Variants in PCDHGA6 observed in about 807,000 individuals in gnomAD.
The protein encoded by PCDHGA6 is protocadherin gamma-A6.
In PCDHGA6, 41 loss-of-function variants were observed where a neutral mutation model predicts 60.6. That is an observed-to-expected ratio of 0.68 (90% CI 0.53 to 0.88). The LOEUF is 0.88. Among genes scored for constraint, PCDHGA6 ranks in the 40% least tolerant of loss-of-function variants. PCDHGA6 has a pLI of 0.00. For missense variants in PCDHGA6, 1,312 were observed against 1,203.0 expected (o/e 1.09, Z -1.34); for synonymous variants, 594 against 524.4 (o/e 1.13, Z -1.81).
At chr5:141,410,847 G>GTTTT (rs773839667) in intron 1 of PCDHGA6, 2 of 158,344 alleles carry the variant, frequency 1.3e-5, no homozygotes, top group African/African-American at 1.7e-4. Context: ...TTTTGTCTTT[G>GTTTT]TCTTTTTTTT....
chr5:141,437,252 CTT>C (rs1030396727), intron 1 of PCDHGA6, among the ~76,000 whole-genome samples: 3 of 152,268 alleles, frequency 2.0e-5, no homozygotes, highest in Admixed American at 6.5e-5. Context: ...CTTTCCTTGT[CTT>C]TTTATGTGTA....
Position 141,431,706 on chromosome 5 carries a change from AG to A in PCDHGA6, c.2424+55200del. The A allele has an allele frequency of 6.2e-7, 1 of 1,614,248 alleles. No homozygotes were observed. The highest frequency in any genetic ancestry group is 8.5e-7 in the Non-Finnish European group (1 of 1,180,048). ...GACCACGAGGAGTCAGGATTCTACC[AG>A]ATGGAAGTGCAAGCAATGGATAATG... On this transcript the variant is annotated intron_variant, in intron 1 of 3. Coordinates refer to ENST00000517434, the MANE Select transcript of PCDHGA6 (RefSeq NM_018919.3). This position sits in a 1 kb window ranked among gnomAD's most constrained non-coding sequence, Gnocchi z 4.8.
rs776632782 is a variant in PCDHGA6, at chr5:141,415,681, A to G, written c.2424+39174A>G. 6.3e-5 allele frequency: 95 copies of G among 1,518,728 alleles called. 2 individuals are homozygous for G. In the Middle Eastern group the frequency reaches 2.1e-3, roughly 34 times the overall value. 94.1% of individuals were successfully genotyped at this position (1,518,728 alleles called of 1,614,324 possible). A position where few individuals can be genotyped will look rare whatever the true frequency, so the allele number is the denominator to read the frequency against. Reference sequence around the variant, plus strand: ...TGGTTTTTACTTTGAAGTTTGCGGCATGATGGTGGAAAGTGTAAATGCTAA... The same window carrying G: ...TGGTTTTTACTTTGAAGTTTGCGGCGTGATGGTGGAAAGTGTAAATGCTAA... On this transcript the variant is annotated intron_variant, in intron 1 of 3. Transcript: ENST00000517434.
At position 141,399,372 on chromosome 5, in the gene PCDHGA6, T is replaced by A; in HGVS notation, c.2424+22865T>A. The A allele has an allele frequency of 1.2e-6, 2 of 1,613,970 alleles. 1 individual carries two copies. The highest frequency in any genetic ancestry group is 2.2e-5 in the South Asian group (2 of 91,086). On this transcript the variant is annotated intron_variant, in intron 1 of 3. Transcript: ENST00000517434. ...ACCGAGAGCAAACCCCGGAGTACAATGTCACCATCACAGCCACAGACAGGG... is the reference window on the plus strand; with the variant it reads ...ACCGAGAGCAAACCCCGGAGTACAAAGTCACCATCACAGCCACAGACAGGG...
intron 1 of PCDHGA6, chr5:141,409,624 G>A (rs747166507): frequency 2.5e-6 from 4 of 1,613,846 alleles, no homozygotes; most frequent in Non-Finnish European, 3.4e-6. Flanking sequence ...TTGCGCAAGT[G>A]AGCGCCTCTG....
intron 1 of PCDHGA6, chr5:141,409,980 C>T (rs2095343394): frequency 6.2e-7 from 1 of 1,613,322 alleles, no homozygotes; most frequent in Non-Finnish European, 8.5e-7. Context: ...AAGGTGGTAG[C>T]GGTGGACGCC....
rs1029237740 is a variant in PCDHGA6, at chr5:141,500,358, A to G, written c.2484-5035A>G. ...AGAATAGCTGGGACTACAGGCGCCC[A>G]CTACCACGCCCGGCTAATTATTTTG... On this transcript the variant is annotated intron_variant, in intron 2 of 3. Coordinates refer to ENST00000517434, the MANE Select transcript of PCDHGA6 (RefSeq NM_018919.3). Among the ~76,000 whole-genome samples, 5 of 151,706 alleles carry G rather than the reference A, an allele frequency of 3.3e-5. No homozygotes were observed. In the South Asian group the frequency reaches 6.3e-4, roughly 19 times the overall value.
intron 1 of PCDHGA6, chr5:141,421,725 C>T: frequency 6.2e-7 from 1 of 1,613,960 alleles, no homozygotes; most frequent in Non-Finnish European, 8.5e-7. Context: ...TGGGCGTGAA[C>T]TCCCTCCAGA....
At position 141,431,363 on chromosome 5, in the gene PCDHGA6, C is replaced by T. The variant is rs765751691; in HGVS notation, c.2424+54856C>T. On this transcript the variant is annotated intron_variant, in intron 1 of 3. Transcript: ENST00000517434. The surrounding 1 kb of genome is among the most constrained non-coding windows in gnomAD (Gnocchi z 4.8). The stretch of plus-strand genomic sequence containing the variant: ...ATTGGTGCTGAAACGCGCCCTGGAC[C>T]GCGAAGAAAAGGCTGCTCACCACCT... 1 of 1,614,024 alleles carries T rather than the reference C, an allele frequency of 6.2e-7. No homozygotes were observed. The highest frequency in any genetic ancestry group is 2.2e-5 in the East Asian group (1 of 44,882).
chr5:141,432,859 C>A lies in PCDHGA6; in HGVS notation c.2424+56352C>A. The A allele has an allele frequency of 1.2e-6, 2 of 1,614,190 alleles. No homozygotes were observed. Among genetic ancestry groups the A allele is most frequent in the Non-Finnish European group, 1.7e-6 (2 of 1,180,020 alleles). The stretch of plus-strand genomic sequence containing the variant: ...ACCTGGTGGTAGCGGTGGCCGCGGT[C>A]TCCTGCGTCTTCCTGGCCTTCGTCA... On this transcript the variant is annotated intron_variant, in intron 1 of 3. Transcript: ENST00000517434. This position sits in a 1 kb window ranked among gnomAD's most constrained non-coding sequence, Gnocchi z 6.0.
chr5:141,468,463 T>G (rs574151637), intron 1 of PCDHGA6: 6 of 152,282 alleles, frequency 3.9e-5, no homozygotes, highest in African/African-American at 1.4e-4. Flanking sequence ...AGCAAGTTAT[T>G]TCTGAGGAGA....
At chr5:141,398,375 A>C in intron 1 of PCDHGA6, 2 of 1,437,542 alleles carry the variant, frequency 1.4e-6, no homozygotes, top group East Asian at 4.7e-5. Flanking sequence ...GAGAGCGGGG[A>C]GTTGCTTGTG....
At chr5:141,421,508 A>C in intron 1 of PCDHGA6, 1 of 1,614,046 alleles carries the variant, frequency 6.2e-7, no homozygotes, top group Non-Finnish European at 8.5e-7. Context: ...ATAGACCGGG[A>C]GGAGCTCTGT....
At chr5:141,408,301 C>G in intron 1 of PCDHGA6, 1 of 1,613,756 alleles carries the variant, frequency 6.2e-7, no homozygotes, top group Non-Finnish European at 8.5e-7. Context: ...GTGAGCCGAT[C>G]CGCTACTCGA....
chr5:141,419,524 T>C (rs1400473876), intron 1 of PCDHGA6: 4 of 1,612,164 alleles, frequency 2.5e-6, no homozygotes, highest in Non-Finnish European at 3.4e-6. Flanking sequence ...TGGGCGACCG[T>C]AACGACAACG....
Position 141,486,288 on chromosome 5 carries a change from T to C in PCDHGA6, c.2425-8519T>C. 5 of 1,613,996 alleles carry C rather than the reference T, an allele frequency of 3.1e-6. No individual in the cohort carries two copies. The highest frequency in any genetic ancestry group is 4.2e-6 in the Non-Finnish European group (5 of 1,179,986). ...GAACCTGGCACTGTGGTGGCACTTA[T>C]CAGTGTGCAGGATCCAGACTCAGGG... On this transcript the variant is annotated intron_variant, in intron 1 of 3. Coordinates refer to ENST00000517434, the MANE Select transcript of PCDHGA6 (RefSeq NM_018919.3). The surrounding 1 kb of genome is among the most constrained non-coding windows in gnomAD (Gnocchi z 5.0).
chr5:141,404,880 T>C, intron 1 of PCDHGA6: 2 of 1,613,896 alleles, frequency 1.2e-6, no homozygotes, highest in Non-Finnish European at 8.5e-7. Flanking sequence ...CAGAGCCTTG[T>C]GGTGGCTGTA....
chr5:141,430,967 G>A lies in PCDHGA6; in HGVS notation c.2424+54460G>A, dbSNP rs746992307. 5 of 1,613,256 alleles carry A rather than the reference G, an allele frequency of 3.1e-6. No individual in the cohort carries two copies. In the East Asian group the frequency reaches 6.7e-5, roughly 22 times the overall value. On this transcript the variant is annotated intron_variant, in intron 1 of 3. Coordinates refer to ENST00000517434, the MANE Select transcript of PCDHGA6 (RefSeq NM_018919.3). ...GCGCGGAGTCCGCATCATCCCCAGA[G>A]GTAGGACGCAGCTTTTCGCCCTGAA... is the stretch of plus-strand genomic sequence containing the variant.
chr5:141,498,251 C>A (rs1277949209), intron 2 of PCDHGA6, among the ~76,000 whole-genome samples: 1 of 152,178 alleles, frequency 6.6e-6, no homozygotes, highest in African/African-American at 2.4e-5. Flanking sequence ...CAAAGCAGGG[C>A]TGGTGTTGAG....
Sources: gnomAD v4.1 joint callset for allele counts (sites outside exome capture counted in the v4.1 genomes callset) on GRCh38, gnomAD v4.1.1 for gene constraint, Gnocchi (gnomAD v3.1) non-coding constraint, MANE v1.5 for transcripts, NCBI Gene and HGNC (gene_info 2026-07-23, HGNC 2026-07-21) for gene names.